Variants in VAV1 observed in about 807,000 individuals in gnomAD.
The protein encoded by VAV1 is vav guanine nucleotide exchange factor 1, also known as proto-oncogene vav.
In VAV1, 33 loss-of-function variants were observed where a neutral mutation model predicts 128.1. That is an observed-to-expected ratio of 0.26 (90% CI 0.20 to 0.34). VAV1 has a LOEUF of 0.34. Among genes scored for constraint, VAV1 ranks in the 10% least tolerant of loss-of-function variants. The probability of loss-of-function intolerance (pLI) is 1.00; values close to 1 mark genes in which losing one functional copy is unlikely to be tolerated. For synonymous variants in VAV1, 394 were observed against 409.8 expected (o/e 0.96, Z 0.47); for missense variants, 715 against 1,093.7 (o/e 0.65, Z 4.88).
At chr19:6,793,465 A>G (rs949982526) in intron 1 of VAV1, among the ~76,000 whole-genome samples, 1 of 152,136 alleles carries the variant, frequency 6.6e-6, no homozygotes, top group Non-Finnish European at 1.5e-5. Context: ...GGGGGAGCTT[A>G]TGGAGAGAAG....
At chr19:6,832,831 G>T (rs926597466) in intron 15 of VAV1, among the ~76,000 whole-genome samples, 1 of 151,482 alleles carries the variant, frequency 6.6e-6, no homozygotes, top group African/African-American at 2.4e-5. Context: ...TAACAATTTC[G>T]AAGTGTATGA....
At chr19:6,814,686 T>TCTCTCTCTC (rs1568299290) in intron 1 of VAV1, among the ~76,000 whole-genome samples, 2 of 117,968 alleles carry the variant, frequency 1.7e-5, no homozygotes, top group African/African-American at 8.0e-5. Context: ...CTTTCTTTCT[T>TCTCTCTCTC]TCTTTCTTTC....
chr19:6,827,606 C>G (rs1354354382), intron 9 of VAV1, among the ~76,000 whole-genome samples: 2 of 150,850 alleles, frequency 1.3e-5, no homozygotes, highest in Admixed American at 1.3e-4. Context: ...GTTTGTTTGT[C>G]TTTGTTTTTT....
rs111293563 is a variant in VAV1, at chr19:6,798,749, G to A, written c.205-21953G>A. Among the ~76,000 whole-genome samples the A allele has an allele frequency of 3.5e-3, 529 of 151,824 alleles. 1 individual carries two copies. Among genetic ancestry groups the A allele is most frequent in the Middle Eastern group, 0.031 (9 of 288 alleles). On this transcript the variant is annotated intron_variant, in intron 1 of 26. Transcript: ENST00000602142. ...TGGCCTTGAACTCCTGGACTCAAGC[G>A]ATCCTCCTACCCTAGCCTCCTGAGT... is the stretch of plus-strand genomic sequence containing the variant.
In VAV1 at chr19:6,839,769, G is replaced by A. The variant is rs377527253; in HGVS notation, c.1980+2719G>A. Reference sequence around the variant, plus strand: ...TGCAATGGTGCAATCTTGGCCCACCGCAGCCTCGCCTCCCAGGCTCAGGTG... The same window carrying A: ...TGCAATGGTGCAATCTTGGCCCACCACAGCCTCGCCTCCCAGGCTCAGGTG... On this transcript the variant is annotated intron_variant, in intron 21 of 26. Coordinates refer to ENST00000602142, the MANE Select transcript of VAV1 (RefSeq NM_005428.4). Among the ~76,000 whole-genome samples the A allele has an allele frequency of 8.5e-5, 13 of 152,056 alleles. 3 individuals carry two copies.
chr19:6,836,088 G>C (rs1285671751), intron 19 of VAV1: 2 of 193,078 alleles, frequency 1.0e-5, no homozygotes, highest in Non-Finnish European at 2.2e-5. Context: ...TGGCCAGTCT[G>C]GTCTCAAACT....
Position 6,857,185 on chromosome 19 carries a change from T to C in VAV1, c.*78T>C. 3.8e-6 allele frequency: 6 copies of C among 1,599,082 alleles called. No individual in the cohort carries two copies. The highest frequency in any genetic ancestry group is 5.1e-6 in the Non-Finnish European group (6 of 1,172,302). On this transcript the variant is annotated 3_prime_UTR_variant, in exon 27 of 27. Coordinates refer to ENST00000602142, the MANE Select transcript of VAV1 (RefSeq NM_005428.4). ...GGGCAGGCAGCGGAGCCAGGGGCTG[T>C]GACAGCTCCCGGCGGGTGGAGACTT...
intron 1 of VAV1, among the ~76,000 whole-genome samples, chr19:6,798,867 G>T (rs1333800595): frequency 6.6e-6 from 1 of 152,014 alleles, no homozygotes. Context: ...TGAAATCAAT[G>T]GATCATATCC....
At chr19:6,852,604 C>G (rs1972694151) in intron 24 of VAV1, among the ~76,000 whole-genome samples, 1 of 151,784 alleles carries the variant, frequency 6.6e-6, no homozygotes, top group African/African-American at 2.4e-5. Flanking sequence ...GCCTGTAGTC[C>G]CAGCTACTCG....
chr19:6,808,857 A>T (rs773079215), intron 1 of VAV1, among the ~76,000 whole-genome samples: 5 of 152,168 alleles, frequency 3.3e-5, no homozygotes, highest in Non-Finnish European at 7.3e-5. Flanking sequence ...CCTCATTCAC[A>T]TATCTGCTGG....
At chr19:6,805,098 G>T (rs1017988182) in intron 1 of VAV1, among the ~76,000 whole-genome samples, 2 of 151,876 alleles carry the variant, frequency 1.3e-5, no homozygotes, top group African/African-American at 4.8e-5. Context: ...GGAAGGGGTA[G>T]TAACTTTTGG....
rs755829677 is a variant in VAV1, at chr19:6,828,426, T to G, written c.1031T>G (p.Val344Gly). ...ACGTCTTGGTTCTCTCAGGAGCTGGTGAAACACACGCAGGAGGCGATGGAG... is the reference window on the plus strand; with the variant it reads ...ACGTCTTGGTTCTCTCAGGAGCTGGGGAAACACACGCAGGAGGCGATGGAG... ...LKYHLLLQEL[V>G]KHTQEAMEKE... Residue 344 changes from valine to glycine, a missense_variant, in exon 11 of 27, where the codon GTG (valine) becomes GGG (glycine). This residue lies in a region of VAV1 where 302 missense variants were observed against 477.8 expected (regional missense o/e 0.63). Transcript: ENST00000602142. This position sits in a 1 kb window ranked among gnomAD's most constrained non-coding sequence, Gnocchi z 4.5. The G allele has an allele frequency of 6.2e-7, 1 of 1,613,966 alleles. No individual in the cohort carries two copies. The highest frequency in any genetic ancestry group is 8.5e-7 in the Non-Finnish European group (1 of 1,179,980).
chr19:6,848,379 G>A (rs1012850379), intron 23 of VAV1, among the ~76,000 whole-genome samples: 7 of 151,754 alleles, frequency 4.6e-5, no homozygotes, highest in African/African-American at 1.5e-4. Flanking sequence ...CTGTCGCCCT[G>A]ACCTTTCTTT....
At chr19:6,781,607 T>C (rs1176217177) in intron 1 of VAV1, among the ~76,000 whole-genome samples, 3 of 142,454 alleles carry the variant, frequency 2.1e-5, no homozygotes, top group African/African-American at 8.4e-5. Flanking sequence ...TTTCTCTTAC[T>C]GATTTTTTTT....
At chr19:6,813,937 G>A (rs1599646787) in intron 1 of VAV1, among the ~76,000 whole-genome samples, 3 of 152,062 alleles carry the variant, frequency 2.0e-5, no homozygotes, top group African/African-American at 7.3e-5. Context: ...GCATATGCTT[G>A]TAGTCCCAGC....
intron 13 of VAV1, among the ~76,000 whole-genome samples, 188 bp downstream of exon 13, chr19:6,829,088 G>A (rs1971991572): frequency 6.6e-6 from 1 of 150,832 alleles, no homozygotes; most frequent in African/African-American, 2.4e-5. Context: ...CAGGGGCAGA[G>A]CCAGGCTTCT....
chr19:6,826,751 T>C lies in VAV1; in HGVS notation c.927+40T>C. 1.4e-6 allele frequency: 2 copies of C among 1,473,658 alleles called. No individual in the cohort carries two copies. The highest frequency in any genetic ancestry group is 9.2e-7 in the Non-Finnish European group (1 of 1,089,284). The allele number at this position is 1,473,658 out of a possible 1,614,324, so 91.3% of individuals were successfully genotyped here. On this transcript the variant is annotated intron_variant, in intron 9 of 26. Transcript: ENST00000602142. This position sits in a 1 kb window ranked among gnomAD's most constrained non-coding sequence, Gnocchi z 4.1. ...ACTTCTCGGGGGCCTCTCCCGCTCC[T>C]CCCCAGGCCCTGGGGGCAGCAGGGA...
rs1387564933 is a variant in VAV1, at chr19:6,828,395, C to T, written c.1024-24C>T. 6.2e-7 allele frequency: 1 copy of T among 1,613,702 alleles called. No homozygotes were observed. Among genetic ancestry groups the T allele is most frequent in the East Asian group, 2.2e-5 (1 of 44,886 alleles). On this transcript the variant is annotated intron_variant, in intron 10 of 26. Coordinates refer to ENST00000602142, the MANE Select transcript of VAV1 (RefSeq NM_005428.4). This position sits in a 1 kb window ranked among gnomAD's most constrained non-coding sequence, Gnocchi z 4.5. ...GGGAGAAGGGGAGGGGCCCAGGTGACGTCTGACGTCTTGGTTCTCTCAGGA... is the reference window on the plus strand; with the variant it reads ...GGGAGAAGGGGAGGGGCCCAGGTGATGTCTGACGTCTTGGTTCTCTCAGGA...
rs549439945 is a variant in VAV1 at position 6,818,514 on chromosome 19, T to C, written c.205-2188T>C. Among the ~76,000 whole-genome samples the C allele has an allele frequency of 5.3e-4, 81 of 152,330 alleles. No homozygotes were observed. In the South Asian group the frequency reaches 0.016, roughly 29 times the overall value. ...TGCCTCAGGACCATTGCATGCACTGTTCTCTCTTCTTGGAATACACTTTCT... is the reference window on the plus strand; with the variant it reads ...TGCCTCAGGACCATTGCATGCACTGCTCTCTCTTCTTGGAATACACTTTCT... On this transcript the variant is annotated intron_variant, in intron 1 of 26. Transcript: ENST00000602142.
Sources: allele counts gnomAD v4.1 joint callset (sites outside exome capture counted in the v4.1 genomes callset), GRCh38; gene constraint gnomAD v4.1.1; regional missense constraint gnomAD v4.1.1; non-coding constraint Gnocchi (gnomAD v3.1); transcripts MANE v1.5; gene names NCBI Gene and HGNC (gene_info 2026-07-23, HGNC 2026-07-21).